Variants in SMAD3 observed in about 807,000 individuals in gnomAD.
The protein encoded by SMAD3 is MAD homolog 3.
In SMAD3, 12 loss-of-function variants were observed where a neutral mutation model predicts 51.8. The ratio of observed to expected loss-of-function variants is 0.23; its 90% CI spans 0.15 to 0.38. The LOEUF is 0.38. Among genes scored for constraint, SMAD3 ranks in the 10% least tolerant of loss-of-function variants. The pLI, the probability that SMAD3 is intolerant of heterozygous loss-of-function variation, is 1.00. For missense variants in SMAD3, 294 were observed against 565.6 expected, an observed-to-expected ratio of 0.52 and a Z score of 4.87; for synonymous variants, 238 against 227.7, an observed-to-expected ratio of 1.05 and a Z score of -0.41.
At chr15:67,147,940 C>CAA (rs1343126561) in intron 1 of SMAD3, among the ~76,000 whole-genome samples, 10 of 152,180 alleles carry the variant, frequency 6.6e-5, no homozygotes, top group Non-Finnish European at 1.0e-4. Flanking sequence ...CAGAAAGAGT[C>CAA]AAAGTTCTGA....
At chr15:67,177,051 G>A (rs927375102) in intron 5 of SMAD3, among the ~76,000 whole-genome samples, 3 of 152,196 alleles carry the variant, frequency 2.0e-5, no homozygotes, top group African/African-American at 7.2e-5. Flanking sequence ...GCATTTGTTG[G>A]TAAATCCTTG....
In SMAD3 at chr15:67,170,619, G is replaced by C. The variant is rs1296574345; in HGVS notation, c.658+15G>C. 2.5e-6 allele frequency: 4 copies of C among 1,611,808 alleles called. No individual in the cohort carries two copies. The highest frequency in any genetic ancestry group is 2.7e-5 in the African/African-American group (2 of 74,890). ...TAATAACTTGGGTGAGTATCTCCTT[G>C]TGCACACAACTGGAACCCCCTCTAG... On this transcript the variant is annotated intron_variant, in intron 5 of 8. Transcript: ENST00000327367.
intron 1 of SMAD3, among the ~76,000 whole-genome samples, chr15:67,110,677 C>T (rs892908320): frequency 3.3e-5 from 5 of 152,192 alleles, no homozygotes; most frequent in Non-Finnish European, 5.9e-5. Context: ...GGCCTCCTGC[C>T]GTTGAGCAGC....
intron 1 of SMAD3, among the ~76,000 whole-genome samples, chr15:67,135,333 C>G (rs1347366970): frequency 1.3e-5 from 2 of 152,222 alleles, no homozygotes; most frequent in East Asian, 1.9e-4. Context: ...CAGCCTGCCC[C>G]CTTCACAGTC....
At chr15:67,126,599 G>A (rs1992215) in intron 1 of SMAD3, among the ~76,000 whole-genome samples, 103,622 of 152,120 alleles carry the variant, frequency 0.68, 35,369 homozygotes, top group African/African-American at 0.73. Context: ...TCTATTCTGC[G>A]TTTAAGGCCC....
chr15:67,113,096 T>TATATATATATATATATA (rs58255931), intron 1 of SMAD3, among the ~76,000 whole-genome samples: 1,319 of 86,804 alleles, frequency 0.015, 155 homozygotes, highest in South Asian at 0.063. Context: ...ATATATATAT[T>TATATATATATATATATA]TTTTTGAGAC....
chr15:67,146,238 C>T (rs1021547374), intron 1 of SMAD3: 1 of 152,238 alleles, frequency 6.6e-6, no homozygotes, highest in Non-Finnish European at 1.5e-5. Flanking sequence ...TAGATTGAGC[C>T]ATTAATCTTC....
rs2140329822 is a variant in SMAD3, at chr15:67,191,528, T to C, written c.*992T>C. On this transcript the variant is annotated 3_prime_UTR_variant, in exon 9 of 9. Transcript: ENST00000327367. ...CTTTATCATATGCTCTTTTAAATGT[T>C]TGGTTTATATATTTTCTTTAAAAAT... 4.3e-6 allele frequency: 1 copy of C among 233,328 alleles called. No individual in the cohort carries two copies. Among genetic ancestry groups the C allele is most frequent in the South Asian group, 1.8e-4 (1 of 5,526 alleles). The allele number at this position is 233,328 out of a possible 1,614,324, so 14.5% of individuals were successfully genotyped here.
intron 1 of SMAD3, among the ~76,000 whole-genome samples, chr15:67,135,558 T>TA (rs398118955): frequency 6.6e-5 from 10 of 152,278 alleles, no homozygotes; most frequent in Middle Eastern, 3.4e-3. Context: ...TGTTTTTTTT[T>TA]AAAAAAAACT....
At chr15:67,082,837 AC>A (rs1345992807) in intron 1 of SMAD3, among the ~76,000 whole-genome samples, 2 of 151,928 alleles carry the variant, frequency 1.3e-5, no homozygotes, top group East Asian at 3.9e-4. Context: ...ATAACTTGGA[AC>A]CCCAGGGAAC....
At position 67,181,153 on chromosome 15, in the gene SMAD3, T is replaced by G. The variant is rs1963041475; in HGVS notation, c.659-88T>G. On this transcript the variant is annotated intron_variant, in intron 5 of 8. Transcript: ENST00000327367. ...ATAATCCCTCTGAAATGCGGGGAAA[T>G]GGTTTTCCAGAGTGTCCATGGGACC... 1.3e-5 allele frequency: 13 copies of G among 983,638 alleles called. No individual in the cohort carries two copies. In the Admixed American group the frequency reaches 2.5e-4, roughly 19 times the overall value. The allele number at this position is 983,638 out of a possible 1,614,324, so 60.9% of individuals were successfully genotyped here.
intron 5 of SMAD3, among the ~76,000 whole-genome samples, chr15:67,176,146 A>G (rs1047253737): frequency 6.6e-6 from 1 of 152,242 alleles, no homozygotes; most frequent in African/African-American, 2.4e-5. Flanking sequence ...GCTGGGACAC[A>G]GCTGGCGTGG....
intron 1 of SMAD3, among the ~76,000 whole-genome samples, chr15:67,111,405 G>A (rs916104207): frequency 2.0e-5 from 3 of 152,142 alleles, no homozygotes; most frequent in African/African-American, 7.2e-5. Context: ...ATAGACATTT[G>A]GGTTGTTTTC....
chr15:67,151,650 C>G (rs1439135343), intron 1 of SMAD3, among the ~76,000 whole-genome samples: 1 of 152,152 alleles, frequency 6.6e-6, no homozygotes, highest in Non-Finnish European at 1.5e-5. Context: ...TTTTTCCTTT[C>G]CCTCTAAAGT....
At chr15:67,084,460 C>T (rs1453937264) in intron 1 of SMAD3, among the ~76,000 whole-genome samples, 1 of 152,136 alleles carries the variant, frequency 6.6e-6, no homozygotes, top group Non-Finnish European at 1.5e-5. Context: ...ATATATTTTC[C>T]TGGGGGACAA....
At chr15:67,181,163 G>C in intron 5 of SMAD3, 78 bp from the exon 6 acceptor site, 5 of 1,063,760 alleles carry the variant, frequency 4.7e-6, no homozygotes, top group Non-Finnish European at 7.2e-6. Context: ...TGGTTTTCCA[G>C]AGTGTCCATG....
chr15:67,184,352 C>T (rs531460282), intron 6 of SMAD3, among the ~76,000 whole-genome samples: 1 of 152,298 alleles, frequency 6.6e-6, no homozygotes, highest in African/African-American at 2.4e-5. Context: ...AGTGATCCTC[C>T]CACCTTGCCC....
At chr15:67,140,987 A>G (rs1396360425) in intron 1 of SMAD3, among the ~76,000 whole-genome samples, 1 of 152,202 alleles carries the variant, frequency 6.6e-6, no homozygotes, top group African/African-American at 2.4e-5. Context: ...AAAATCTCCC[A>G]GTTTGTAAAA....
At chr15:67,173,210 G>T (rs1418145945) in intron 5 of SMAD3, among the ~76,000 whole-genome samples, 2 of 152,080 alleles carry the variant, frequency 1.3e-5, no homozygotes, top group Non-Finnish European at 2.9e-5. Flanking sequence ...ATGTACTGAT[G>T]CTGGGGGCCA....
Sources: gnomAD v4.1 joint callset for allele counts (sites outside exome capture counted in the v4.1 genomes callset) on GRCh38, gnomAD v4.1.1 for gene constraint, MANE v1.5 for transcripts, NCBI Gene and HGNC (gene_info 2026-07-23, HGNC 2026-07-21) for gene names.